PPOX: variants seen among roughly 807,000 people sequenced by gnomAD.
PPOX encodes the protein protoporphyrinogen oxidase.
A neutral mutation model predicts 54.1 loss-of-function variants in PPOX; 23 were observed. The observed-to-expected ratio is 0.43, with a 90% confidence interval of 0.31 to 0.60. The LOEUF (loss-of-function observed/expected upper bound fraction) is 0.60. PPOX is among the 20% of genes least tolerant of loss of function. The pLI is 0.13. For synonymous variants in PPOX, 224 were observed against 236.1 expected (o/e 0.95, Z 0.47); for missense variants, 512 against 601.1 (o/e 0.85, Z 1.55).
downstream of PPOX, chr1:161,172,072 C>T (rs780404324): frequency 2.5e-5 from 40 of 1,613,978 alleles, no homozygotes; most frequent in Non-Finnish European, 3.0e-5. Context: ...ATTCTGGGTA[C>T]GGACCAGGAG....
downstream of PPOX, chr1:161,175,956 A>G (rs1445928796): frequency 1.2e-6 from 2 of 1,614,180 alleles, no homozygotes; most frequent in African/African-American, 1.3e-5. Flanking sequence ...CAAATAGGGC[A>G]CTGAGACTTC....
In PPOX at chr1:161,171,208, G is replaced by A. The variant is rs748566194; in HGVS notation, c.*32G>A. The A allele has an allele frequency of 1.2e-6, 2 of 1,612,524 alleles. No individual in the cohort carries two copies. The highest frequency in any genetic ancestry group is 1.7e-6 in the Non-Finnish European group (2 of 1,180,040). ...ACTCTCATTCATGAAAATAAAAATTGCTGGAGCTTGGCTTGGTCTGGCTGT... is the reference window on the plus strand; with the variant it reads ...ACTCTCATTCATGAAAATAAAAATTACTGGAGCTTGGCTTGGTCTGGCTGT... On this transcript the variant is annotated 3_prime_UTR_variant, in exon 13 of 13. Transcript: ENST00000367999.
intron 6 of PPOX, 96 bp downstream of exon 6, chr1:161,168,672 T>C (rs1660000922): frequency 2.1e-5 from 32 of 1,501,268 alleles, no homozygotes; most frequent in Non-Finnish European, 2.7e-5. Flanking sequence ...TTTTTTTCTT[T>C]TTTGAGACGG....
Position 161,167,589 on chromosome 1 carries a change from C to T in PPOX, c.338+103C>T, listed in dbSNP as rs1427974001. ...TTTTTTTTTTTTTTTTTTTTTGAGA[C>T]GGAGTATCGCTCTCGCCCAGGATGG... On this transcript the variant is annotated intron_variant, in intron 4 of 12. Coordinates refer to ENST00000367999, the MANE Select transcript of PPOX (RefSeq NM_001122764.3). 191 of 1,002,368 alleles carry T rather than the reference C, an allele frequency of 1.9e-4. 1 individual carries two copies. The highest frequency in any genetic ancestry group is 3.2e-5 in the Non-Finnish European group (24 of 744,602). 62.1% of individuals were successfully genotyped at this position (1,002,368 alleles called of 1,614,324 possible).
chr1:161,169,622 TCA>T, intron 7 of PPOX, 36 bp from the exon 8 acceptor site: 1 of 1,602,900 alleles, frequency 6.2e-7, no homozygotes, highest in South Asian at 1.1e-5. Context: ...CATCAAATTC[TCA>T]TTTTCTGGGT....
intron 9 of PPOX, 89 bp from the exon 10 acceptor site, chr1:161,170,320 G>GGGGGGGGGGGC: frequency 6.1e-6 from 3 of 494,792 alleles, no homozygotes; most frequent in East Asian, 5.4e-5. Context: ...GTGAGACTCT[G>GGGGGGGGGGGC]TCCCCCCCAC....
chr1:161,171,072 CT>C lies in PPOX; in HGVS notation c.1331del (p.Leu444ArgfsTer17), dbSNP rs1430989536. ...RQFLTAHRLP[L>X]TLAGASYEGV... ...ATTCCTGACTGCTCACAGGTTGCCCCTGACTCTGGCTGGAGCCTCCTATGAG... is the reference window on the plus strand; with the variant it reads ...ATTCCTGACTGCTCACAGGTTGCCCCGACTCTGGCTGGAGCCTCCTATGAG... On this transcript the variant is annotated frameshift_variant, in exon 13 of 13. Transcript: ENST00000367999. LOFTEE classifies it high-confidence loss of function. 2 of 1,614,084 alleles carry C rather than the reference CT, an allele frequency of 1.2e-6. No individual in the cohort carries two copies. Among genetic ancestry groups the C allele is most frequent in the Admixed American group, 1.7e-5 (1 of 60,014 alleles).
chr1:161,173,838 G>A (rs1472119642), downstream of PPOX: 3 of 1,611,640 alleles, frequency 1.9e-6, no homozygotes, highest in South Asian at 2.2e-5. Context: ...CTGTTTCCCA[G>A]TACCCTTCCA....
rs751362352 is a variant in PPOX, at chr1:161,170,900, T to G, written c.1249-7T>G. 1 of 1,614,106 alleles carries G rather than the reference T, an allele frequency of 6.2e-7. No individual in the cohort carries two copies. ...ACTTTTCCCTGCATCCTCTCCTCTC[T>G]TCTCAGAACTGCATTCCCCAGTATA... On this transcript the variant is annotated splice_region_variant and splice_polypyrimidine_tract_variant and intron_variant, in intron 11 of 12. Transcript: ENST00000367999.
chr1:161,174,796 G>A, downstream of PPOX: 1 of 606,718 alleles, frequency 1.6e-6, no homozygotes, highest in Non-Finnish European at 2.9e-6. Flanking sequence ...GTAGGACAGT[G>A]GGAATAACCT....
Position 161,170,629 on chromosome 1 carries a change from G to A in PPOX, c.1108G>A (p.Gly370Arg). The change falls in exon 11 of 13, where the codon GGA becomes AGA. Residue 370 changes from glycine (G) to arginine (R), a missense_variant. By Grantham distance (125) the Gly-to-Arg change is moderately radical (BLOSUM62 -2). Coordinates refer to ENST00000367999, the MANE Select transcript of PPOX (RefSeq NM_001122764.3). The part of the protein sequence containing the change: ...PPGLRVTVML[G>R]GSWLQTLEAS... ...TATATTCCCTCCTTAGGTGATGCTG[G>A]GAGGTTCCTGGTTACAGACACTGGA... is the stretch of plus-strand genomic sequence containing the variant. 6.2e-7 allele frequency: 1 copy of A among 1,614,160 alleles called. No homozygotes were observed. Among genetic ancestry groups the A allele is most frequent in the South Asian group, 1.1e-5 (1 of 91,082 alleles).
downstream of PPOX, chr1:161,173,706 G>A (rs780026921): frequency 1.4e-5 from 23 of 1,614,014 alleles, no homozygotes; most frequent in Non-Finnish European, 1.9e-5. Context: ...AGACTCCTCC[G>A]AAGTACTGGG....
chr1:161,171,140 A>C lies in PPOX; in HGVS notation c.1398A>C (p.Ala466=), dbSNP rs1661270864. Residue 466 remains alanine, a synonymous_variant, in exon 13 of 13, where the codon GCA becomes GCC. Coordinates refer to ENST00000367999, the MANE Select transcript of PPOX (RefSeq NM_001122764.3). ...ACTGTATAGAGAGTGGGCGCCAGGC[A>C]GCAGTCAGTGTCCTGGGCACAGAAC... ...VNDCIESGRQ[A]AVSVLGTEPN... The C allele has an allele frequency of 6.2e-7, 1 of 1,613,666 alleles. No individual in the cohort carries two copies. Among genetic ancestry groups the C allele is most frequent in the Non-Finnish European group, 8.5e-7 (1 of 1,180,040 alleles).
At chr1:161,169,477 G>C (rs1660364837) in intron 7 of PPOX, 183 bp from the exon 8 acceptor site, 1 of 742,166 alleles carries the variant, frequency 1.3e-6, no homozygotes, top group African/African-American at 1.7e-5. Context: ...CCACTTCCTG[G>C]AGTACACAGA....
Position 161,169,020 on chromosome 1 carries a change from T to C in PPOX, c.644T>C (p.Leu215Pro). 6.2e-7 allele frequency: 1 copy of C among 1,614,192 alleles called. No individual in the cohort carries two copies. Among genetic ancestry groups the C allele is most frequent in the Non-Finnish European group, 8.5e-7 (1 of 1,180,042 alleles). Reference protein sequence around the residue: ...AGRTPQPDSALIRQALAERWS... With the variant: ...AGRTPQPDSAPIRQALAERWS... ...CGGACCCCACAGCCAGACTCAGCAC[T>C]CATTCGCCAGGCCTTGGCTGAGCGC... Residue 215 changes from leucine to proline, a missense_variant, in exon 7 of 13, where the codon CTC becomes CCC. Transcript: ENST00000367999.
At chr1:161,172,532 G>C (rs1661827291), downstream of PPOX, 1 of 575,614 alleles carries the variant, frequency 1.7e-6, no homozygotes, top group Non-Finnish European at 3.0e-6. Flanking sequence ...TCAGGGCCCA[G>C]TGCCAGTCAC....
intron 4 of PPOX, 76 bp from the exon 5 acceptor site, chr1:161,167,919 G>A: frequency 6.2e-7 from 1 of 1,608,762 alleles, no homozygotes; most frequent in Non-Finnish European, 8.5e-7. Context: ...AGCCAAATGA[G>A]TGGAAATGAC....
At chr1:161,168,693 T>C in intron 6 of PPOX, 117 bp downstream of exon 6, 1 of 1,378,526 alleles carries the variant, frequency 7.3e-7, no homozygotes, top group Non-Finnish European at 1.0e-6. Context: ...AGTCTTGCTC[T>C]GCTGCCTAGG....
At position 161,171,183 on chromosome 1, in the gene PPOX, A is replaced by G. The variant is rs1205964185; in HGVS notation, c.*7A>G. On this transcript the variant is annotated 3_prime_UTR_variant, in exon 13 of 13. Transcript: ENST00000367999. ...CACAGAACCTAACAGCTGATCCCCAACTCTCATTCATGAAAATAAAAATTG... is the reference window on the plus strand; with the variant it reads ...CACAGAACCTAACAGCTGATCCCCAGCTCTCATTCATGAAAATAAAAATTG... The G allele has an allele frequency of 6.2e-7, 1 of 1,612,972 alleles. No homozygotes were observed. The highest frequency in any genetic ancestry group is 2.2e-5 in the East Asian group (1 of 44,880).
Sources: allele counts gnomAD v4.1 joint callset, GRCh38; gene constraint gnomAD v4.1.1; transcripts MANE v1.5; gene names NCBI Gene and HGNC (gene_info 2026-07-23, HGNC 2026-07-21).